The following RPN2 variants were observed in gnomAD, a reference collection of about 807,000 sequenced individuals.
The protein encoded by RPN2 is dolichyl-diphosphooligosaccharide--protein glycosyltransferase subunit 2.
In RPN2, 29 loss-of-function variants were observed where a neutral mutation model predicts 71.4. That is an observed-to-expected ratio of 0.41 (90% CI 0.30 to 0.55). The LOEUF (loss-of-function observed/expected upper bound fraction) is 0.55. Ranked by LOEUF, RPN2 falls within the 20% of genes least tolerant of loss-of-function variation. The probability of loss-of-function intolerance (pLI) is 0.35; values close to 1 mark genes in which losing one functional copy is unlikely to be tolerated. For missense variants in RPN2, 726 were observed against 774.1 expected (o/e 0.94, Z 0.74); for synonymous variants, 308 against 305.0 (o/e 1.01, Z -0.10).
intron 14 of RPN2, among the ~76,000 whole-genome samples, 154 bp from the exon 15 acceptor site, chr20:37,233,866 T>G (rs559953984): frequency 6.1e-4 from 93 of 152,346 alleles, no homozygotes; most frequent in Non-Finnish European, 1.0e-3. Flanking sequence ...GGGCTTATAA[T>G]AGGGTGGTTG....
chr20:37,206,132 G>A (rs1206944575), intron 6 of RPN2, among the ~76,000 whole-genome samples: 1 of 152,148 alleles, frequency 6.6e-6, no homozygotes, highest in African/African-American at 2.4e-5. Context: ...AAACAAAACT[G>A]ATTGAAGGGG....
At chr20:37,218,185 G>A (rs2067864568) in intron 9 of RPN2, among the ~76,000 whole-genome samples, 1 of 152,178 alleles carries the variant, frequency 6.6e-6, no homozygotes, top group Non-Finnish European at 1.5e-5. Context: ...GCTGAGGTGG[G>A]AGGATCGCTT....
intron 16 of RPN2, among the ~76,000 whole-genome samples, chr20:37,237,080 G>A (rs562131093): frequency 3.1e-4 from 46 of 150,054 alleles, no homozygotes; most frequent in African/African-American, 9.5e-4. Flanking sequence ...ACATGTCCCC[G>A]AGAGCTGCTC....
chr20:37,231,199 A>G (rs2068233164), intron 13 of RPN2, among the ~76,000 whole-genome samples: 1 of 152,056 alleles, frequency 6.6e-6, no homozygotes, highest in Admixed American at 6.6e-5. Flanking sequence ...CCAGCTGGAA[A>G]GTGAGGTGAA....
intron 16 of RPN2, among the ~76,000 whole-genome samples, chr20:37,237,644 C>T (rs555290541): frequency 6.6e-5 from 10 of 152,252 alleles, no homozygotes; most frequent in Admixed American, 5.2e-4. Context: ...TCGGCACAGA[C>T]GTGTTCCTTG....
intron 2 of RPN2, among the ~76,000 whole-genome samples, chr20:37,194,996 G>C (rs912157768): frequency 6.6e-6 from 1 of 152,174 alleles, no homozygotes; most frequent in African/African-American, 2.4e-5. Context: ...AGTTGTAGGG[G>C]AAAACCTATG....
chr20:37,225,465 C>T (rs1039384285), intron 10 of RPN2, among the ~76,000 whole-genome samples: 1 of 152,156 alleles, frequency 6.6e-6, no homozygotes, highest in Non-Finnish European at 1.5e-5. Context: ...CACAGCATTT[C>T]CCCAGATCCT....
At chr20:37,212,530 G>GA (rs1439585398) in intron 8 of RPN2, among the ~76,000 whole-genome samples, 2 of 151,372 alleles carry the variant, frequency 1.3e-5, no homozygotes, top group African/African-American at 4.9e-5. Flanking sequence ...GCCTGGGCTG[G>GA]AATGCAGTGG....
Position 37,228,713 on chromosome 20 carries a change from C to G in RPN2, c.1463C>G (p.Ala488Gly). Reference protein sequence around the residue: ...TYTLYLIIGDATLKNPILWNV... With the variant: ...TYTLYLIIGDGTLKNPILWNV... ...ACTCTCTACTTAATCATTGGAGATG[C>G]CACTTTGAAGAACCCAATCCTCTGG... The change falls in exon 12 of 17, where the codon GCC becomes GGC. Residue 488 changes from alanine (A) to glycine (G), a missense_variant. Physicochemically the swap from Ala to Gly is moderately conservative, Grantham distance 60 (BLOSUM62 0). Coordinates refer to ENST00000237530, the MANE Select transcript of RPN2 (RefSeq NM_002951.5). 2 of 1,614,192 alleles carry G rather than the reference C, an allele frequency of 1.2e-6. No individual in the cohort carries two copies. The highest frequency in any genetic ancestry group is 1.7e-6 in the Non-Finnish European group (2 of 1,180,024).
At chr20:37,198,586 T>C in intron 3 of RPN2, 94 bp downstream of exon 3, 1 of 1,579,116 alleles carries the variant, frequency 6.3e-7, no homozygotes, top group Non-Finnish European at 8.6e-7. Context: ...TTTTTAATTA[T>C]GAGAGTCCAT....
intron 1 of RPN2, among the ~76,000 whole-genome samples, chr20:37,180,069 C>A (rs761521630): frequency 1.3e-5 from 2 of 152,184 alleles, no homozygotes; most frequent in South Asian, 4.1e-4. Flanking sequence ...TTGGAAGTTA[C>A]TGAGTAGACG....
rs1480443782 is a variant in RPN2, at chr20:37,179,468, G to C, written c.13+99G>C. 3.5e-6 allele frequency: 5 copies of C among 1,431,978 alleles called. No individual in the cohort carries two copies. In the Admixed American group the frequency reaches 1.4e-4, roughly 39 times the overall value. 88.7% of individuals were successfully genotyped at this position (1,431,978 alleles called of 1,614,324 possible). On this transcript the variant is annotated intron_variant, in intron 1 of 16. Transcript: ENST00000237530. ...GCCAGGCGGGATCCCCTTCCCCTGCGGGACAGGGGCATGGGCACAAGCTCT... is the reference window on the plus strand; with the variant it reads ...GCCAGGCGGGATCCCCTTCCCCTGCCGGACAGGGGCATGGGCACAAGCTCT...
At chr20:37,184,467 C>A in intron 2 of RPN2, 94 bp downstream of exon 2, 1 of 1,112,582 alleles carries the variant, frequency 9.0e-7, no homozygotes, top group Non-Finnish European at 1.3e-6. Flanking sequence ...CTAACTCTTG[C>A]TCATTTGAGG....
At position 37,223,735 on chromosome 20, in the gene RPN2, GTTA is replaced by G. The variant is rs576685286; in HGVS notation, c.1093-138_1093-136del. On this transcript the variant is annotated intron_variant, in intron 9 of 16. Coordinates refer to ENST00000237530, the MANE Select transcript of RPN2 (RefSeq NM_002951.5). ...GGAAATATTACTGGGCTGGGTCAGT[GTTA>G]TTATCATCCTTGAAGACTCTTGTTC... 4.7e-4 allele frequency: 331 copies of G among 708,512 alleles called. 2 individuals are homozygous for G. The highest frequency in any genetic ancestry group is 4.6e-3 in the African/African-American group (263 of 56,628). The allele number at this position is 708,512 out of a possible 1,614,324, so 43.9% of individuals were successfully genotyped here.
chr20:37,192,135 C>T (rs2067155067), intron 2 of RPN2, among the ~76,000 whole-genome samples: 1 of 152,112 alleles, frequency 6.6e-6, no homozygotes, highest in Admixed American at 6.5e-5. Flanking sequence ...AAATGCCTCC[C>T]TTATAAAGCG....
At chr20:37,200,255 C>T (rs2067352673) in intron 4 of RPN2, among the ~76,000 whole-genome samples, 1 of 152,218 alleles carries the variant, frequency 6.6e-6, no homozygotes. Flanking sequence ...TCCCAAAGTG[C>T]TGGGATTACA....
intron 8 of RPN2, among the ~76,000 whole-genome samples, chr20:37,211,645 TA>T (rs34192838): frequency 0.72 from 101,259 of 140,340 alleles, 36,498 homozygotes; most frequent in Middle Eastern, 0.79. Flanking sequence ...CCATCTCTAT[TA>T]AAAAAAAAAA....
At chr20:37,196,235 CT>C (rs1008593832) in intron 2 of RPN2, among the ~76,000 whole-genome samples, 3 of 146,076 alleles carry the variant, frequency 2.1e-5, no homozygotes, top group African/African-American at 5.0e-5. Context: ...TCCCCCCCAC[CT>C]TTTTTTTTTT....
At chr20:37,213,685 T>G in intron 8 of RPN2, 75 bp from the exon 9 acceptor site, 1 of 1,147,420 alleles carries the variant, frequency 8.7e-7, no homozygotes, top group Non-Finnish European at 1.3e-6. Flanking sequence ...CCAGGAGACA[T>G]TTTGTAGCTC....
Sources: allele counts gnomAD v4.1 joint callset (sites outside exome capture counted in the v4.1 genomes callset), GRCh38; gene constraint gnomAD v4.1.1; transcripts MANE v1.5; gene names NCBI Gene and HGNC (gene_info 2026-07-23, HGNC 2026-07-21).